Variants in AFF3 observed in about 807,000 individuals in gnomAD.
AFF3 encodes AF4/FMR2 family member 3.
Under a neutral mutation model 129.7 loss-of-function variants are expected in AFF3, and 32 were observed. That is an observed-to-expected ratio of 0.25 (90% CI 0.19 to 0.33). The LOEUF (loss-of-function observed/expected upper bound fraction) is 0.33. AFF3 is among the 10% of genes least tolerant of loss of function. The pLI, the probability that AFF3 is intolerant of heterozygous loss-of-function variation, is 1.00. For synonymous variants in AFF3, 644 were observed against 635.4 expected (o/e 1.01, Z -0.20); for missense variants, 1,373 against 1,592.0 (o/e 0.86, Z 2.34).
At chr2:99,761,393 C>T (rs1473483772) in intron 8 of AFF3, among the ~76,000 whole-genome samples, 1 of 152,128 alleles carries the variant, frequency 6.6e-6, no homozygotes, top group Non-Finnish European at 1.5e-5. Flanking sequence ...CACGTCTACT[C>T]TACAGCAAGA....
chr2:99,589,550 C>T (rs533382923), intron 15 of AFF3, among the ~76,000 whole-genome samples: 21 of 151,962 alleles, frequency 1.4e-4, no homozygotes, highest in African/African-American at 3.4e-4. Flanking sequence ...TACAGGCACG[C>T]GCCACCACGC....
intron 7 of AFF3, among the ~76,000 whole-genome samples, chr2:99,944,717 G>C: frequency 6.6e-6 from 1 of 152,288 alleles, no homozygotes; most frequent in Admixed American, 6.5e-5. Flanking sequence ...AGAAGGATAA[G>C]ACAAGGCATT....
chr2:99,690,188 A>ATTATTT (rs1675475433), intron 11 of AFF3, among the ~76,000 whole-genome samples: 1 of 138,888 alleles, frequency 7.2e-6, no homozygotes, highest in Non-Finnish European at 1.5e-5. Context: ...TATTATTATT[A>ATTATTT]TTATTATTAT....
At chr2:99,930,051 A>T (rs376500691) in intron 7 of AFF3, among the ~76,000 whole-genome samples, 15 of 152,262 alleles carry the variant, frequency 9.9e-5, no homozygotes, top group African/African-American at 3.6e-4. Flanking sequence ...GTACACAAGC[A>T]TCTCTCTAAA....
chr2:99,635,294 T>C (rs1205127841), intron 13 of AFF3, among the ~76,000 whole-genome samples: 8 of 152,062 alleles, frequency 5.3e-5, no homozygotes, highest in Non-Finnish European at 5.9e-5. Flanking sequence ...ATCATACATA[T>C]ACACATATCA....
At chr2:99,568,636 T>C (rs1363805630) in intron 19 of AFF3, among the ~76,000 whole-genome samples, 1 of 152,208 alleles carries the variant, frequency 6.6e-6, no homozygotes, top group African/African-American at 2.4e-5. Context: ...AATTGAAATA[T>C]TCATTTGTCT....
At chr2:99,928,873 G>C (rs564448534) in intron 7 of AFF3, among the ~76,000 whole-genome samples, 1 of 152,260 alleles carries the variant, frequency 6.6e-6, no homozygotes, top group Non-Finnish European at 1.5e-5. Context: ...CCACTCTCTT[G>C]AAGTGGCAGC....
chr2:99,928,677 A>C (rs1696456463), intron 7 of AFF3, among the ~76,000 whole-genome samples: 1 of 152,174 alleles, frequency 6.6e-6, no homozygotes, highest in Non-Finnish European at 1.5e-5. Context: ...TCATTTGTCA[A>C]CAGGAAACAC....
chr2:99,585,021 C>T (rs545008506), intron 16 of AFF3, among the ~76,000 whole-genome samples: 1 of 152,282 alleles, frequency 6.6e-6, no homozygotes, highest in East Asian at 1.9e-4. Flanking sequence ...TCCAAAAGCA[C>T]GGTGTGTCTA....
At chr2:99,765,093 C>G (rs959177963) in intron 8 of AFF3, among the ~76,000 whole-genome samples, 10 of 152,152 alleles carry the variant, frequency 6.6e-5, no homozygotes, top group African/African-American at 2.2e-4. Context: ...ATGCACGTTA[C>G]TAACTATGCC....
rs377390295 is a variant in AFF3, at chr2:100,011,305, A to G, written c.54-2373T>C. 2.1e-4 allele frequency among the ~76,000 whole-genome samples: 32 copies of G among 152,236 alleles called. 1 individual carries two copies. The East Asian group carries it at 4.3e-3, about 20-fold the overall frequency. ...AAAAAAAGCTTGCACAGCATGCATC[A>G]TAACTCTCCCCTTTTCCCATACATA... On this transcript the variant is annotated intron_variant, in intron 4 of 24. Transcript: ENST00000672756.
intron 8 of AFF3, among the ~76,000 whole-genome samples, chr2:99,791,194 A>T (rs977585452): frequency 4.6e-5 from 7 of 152,184 alleles, no homozygotes; most frequent in African/African-American, 1.7e-4. Flanking sequence ...TCTTTATTCA[A>T]GATGGAAATG....
intron 1 of AFF3, among the ~76,000 whole-genome samples, chr2:100,138,712 C>CG (rs1182401762): frequency 2.0e-5 from 3 of 151,850 alleles, no homozygotes; most frequent in African/African-American, 7.3e-5. Context: ...GGGAGGCCAA[C>CG]GGGGGGCGCA....
chr2:100,099,782 T>A (rs1009246859), intron 4 of AFF3, among the ~76,000 whole-genome samples: 3 of 152,074 alleles, frequency 2.0e-5, no homozygotes, highest in African/African-American at 7.3e-5. Context: ...AGCCTATGAA[T>A]GGGAAATTCT....
intron 16 of AFF3, among the ~76,000 whole-genome samples, chr2:99,585,796 T>C (rs1392788404): frequency 6.6e-6 from 1 of 152,214 alleles, no homozygotes; most frequent in Non-Finnish European, 1.5e-5. Context: ...TGGCACAATC[T>C]CGGCTCCCTG....
chr2:99,728,118 C>T (rs1679510397), intron 10 of AFF3, among the ~76,000 whole-genome samples: 1 of 152,206 alleles, frequency 6.6e-6, no homozygotes, highest in African/African-American at 2.4e-5. Flanking sequence ...TTGTAGTTTA[C>T]AGTAGGCTTA....
At chr2:99,791,020 T>C (rs1685151754) in intron 8 of AFF3, among the ~76,000 whole-genome samples, 1 of 152,204 alleles carries the variant, frequency 6.6e-6, no homozygotes. Flanking sequence ...AAAAACAGTT[T>C]GGTAAGTAAA....
intron 11 of AFF3, among the ~76,000 whole-genome samples, chr2:99,677,335 G>A (rs919007009): frequency 6.6e-6 from 1 of 151,404 alleles, no homozygotes; most frequent in Non-Finnish European, 1.5e-5. Context: ...CTTAACACTT[G>A]AAGAGTTATC....
At chr2:99,702,601 A>C (rs927157035) in intron 11 of AFF3, among the ~76,000 whole-genome samples, 4 of 152,128 alleles carry the variant, frequency 2.6e-5, no homozygotes, top group African/African-American at 9.7e-5. Flanking sequence ...AGCCTCCTGA[A>C]GTGCTGGGAT....
Sources: allele counts gnomAD v4.1 joint callset (sites outside exome capture counted in the v4.1 genomes callset), GRCh38; gene constraint gnomAD v4.1.1; transcripts MANE v1.5; gene names NCBI Gene and HGNC (gene_info 2026-07-23, HGNC 2026-07-21).